Variants in TEX10 observed in about 807,000 individuals in gnomAD.
The protein encoded by TEX10 is testis-expressed protein 10.
A neutral mutation model predicts 104.4 loss-of-function variants in TEX10; 24 were observed. The observed-to-expected ratio is 0.23, with a 90% CI of 0.17 to 0.32. TEX10 has a LOEUF of 0.32. Among genes scored for constraint, TEX10 ranks in the 10% least tolerant of loss-of-function variants. TEX10 has a pLI of 1.00. For missense variants in TEX10, 921 were observed against 1,083.9 expected (o/e 0.85, Z 2.11); for synonymous variants, 396 against 393.4 (o/e 1.01, Z -0.08).
chr9:100,316,783 T>C (rs1834427776), intron 11 of TEX10, among the ~76,000 whole-genome samples: 1 of 150,988 alleles, frequency 6.6e-6, no homozygotes, highest in Admixed American at 6.7e-5. Flanking sequence ...TATGATCTTA[T>C]ATCTAGAAAT....
At chr9:100,309,972 G>A (rs1448264894) in intron 12 of TEX10, among the ~76,000 whole-genome samples, 1 of 152,128 alleles carries the variant, frequency 6.6e-6, no homozygotes, top group Non-Finnish European at 1.5e-5. Context: ...TCTAGATGTT[G>A]AATTCTCAAT....
intron 11 of TEX10, among the ~76,000 whole-genome samples, chr9:100,318,409 A>C (rs921937088): frequency 6.6e-6 from 1 of 152,190 alleles, no homozygotes; most frequent in Non-Finnish European, 1.5e-5. Context: ...AGCTAAAAAT[A>C]ATGTCTACTC....
chr9:100,349,778 G>A (rs917472483), intron 1 of TEX10, among the ~76,000 whole-genome samples: 19 of 152,078 alleles, frequency 1.2e-4, no homozygotes, highest in South Asian at 8.3e-4. Context: ...AACTTCTCTA[G>A]CAATACCAAA....
Position 100,346,234 on chromosome 9 carries a change from AATT to A in TEX10, c.972_974del (p.Ile325del). ...CAACCCAGCATTCAATTAGCAATGG[AATT>A]ATTATCTCAATAAATCCTTTCAGGT... On this transcript the variant is annotated inframe_deletion, in exon 4 of 15. Transcript: ENST00000374902. 6.2e-7 allele frequency: 1 copy of A among 1,614,072 alleles called. No homozygotes were observed. The highest frequency in any genetic ancestry group is 8.5e-7 in the Non-Finnish European group (1 of 1,179,968).
chr9:100,327,635 T>A (rs1834741846), intron 8 of TEX10, 152 bp downstream of exon 8: 1 of 445,824 alleles, frequency 2.2e-6, no homozygotes, highest in South Asian at 1.0e-4. Context: ...AAAATGAATT[T>A]ACTGTATGAT....
chr9:100,335,348 G>A (rs369100199), intron 5 of TEX10, among the ~76,000 whole-genome samples: 5 of 152,030 alleles, frequency 3.3e-5, no homozygotes, highest in Admixed American at 6.6e-5. Flanking sequence ...GACTACAGGC[G>A]CCCGCCACCA....
chr9:100,331,839 T>A (rs1834869674), intron 5 of TEX10, among the ~76,000 whole-genome samples: 1 of 152,196 alleles, frequency 6.6e-6, no homozygotes, highest in Admixed American at 6.5e-5. Context: ...CCAGGGTCAA[T>A]ACTGGTATGA....
chr9:100,304,571 AT>A (rs1270339228), intron 13 of TEX10: 1 of 152,228 alleles, frequency 6.6e-6, no homozygotes, highest in Non-Finnish European at 1.5e-5. Flanking sequence ...TATACAAAAA[AT>A]TAACTCGGCC....
In TEX10 at chr9:100,302,340, C is replaced by T. The variant is rs746977498; in HGVS notation, c.2677-36G>A. ...AAACAAGAGTAATCTGAGAACTGCA[C>T]CCAAATCACTATGCTACCTGACAGT... is the stretch of plus-strand genomic sequence containing the variant. On this transcript the variant is annotated intron_variant, in intron 14 of 14. Coordinates refer to ENST00000374902, the MANE Select transcript of TEX10 (RefSeq NM_017746.4). The T allele has an allele frequency of 9.6e-6, 14 of 1,458,284 alleles. No individual in the cohort carries two copies. The African/African-American group carries it at 1.1e-4, about 12-fold the overall frequency. 90.3% of individuals were successfully genotyped at this position (1,458,284 alleles called of 1,614,324 possible).
At chr9:100,322,214 A>G (rs1416629869) in intron 9 of TEX10, among the ~76,000 whole-genome samples, 1 of 152,252 alleles carries the variant, frequency 6.6e-6, no homozygotes, top group Non-Finnish European at 1.5e-5. Context: ...TTAGGCAAAG[A>G]AAACTTATCT....
chr9:100,316,456 T>C (rs1394707136), intron 11 of TEX10, among the ~76,000 whole-genome samples: 1 of 152,114 alleles, frequency 6.6e-6, no homozygotes, highest in Non-Finnish European at 1.5e-5. Context: ...AGATTTCTTG[T>C]AAGAAATGGA....
chr9:100,327,838 C>T lies in TEX10; in HGVS notation c.1750G>A (p.Ala584Thr). 6.3e-7 allele frequency: 1 copy of T among 1,597,750 alleles called. No homozygotes were observed. Among genetic ancestry groups the T allele is most frequent in the South Asian group, 1.1e-5 (1 of 88,260 alleles). The change falls in exon 8 of 15, where the codon GCA (alanine) becomes ACA (threonine). Residue 584 changes from alanine (A) to threonine (T), a missense_variant. Physicochemically the swap from Ala to Thr is moderately conservative, Grantham distance 58. Transcript: ENST00000374902. Reference protein sequence around the residue: ...IDIIHTAAARANKELLKSLQA... With the variant: ...IDIIHTAAARTNKELLKSLQA... ...AAACTTTTTAGTAATTCTTTATTTG[C>T]TCGTGCTGCAGCGGTATGAATGATA...
chr9:100,328,033 ATT>A, intron 7 of TEX10, 71 bp from the exon 8 acceptor site: 1 of 1,250,196 alleles, frequency 8.0e-7, no homozygotes, highest in Non-Finnish European at 1.0e-6. Context: ...CAAAAAAAAA[ATT>A]TTTTTTTAAC....
At chr9:100,315,613 G>T (rs1248383440) in intron 11 of TEX10, among the ~76,000 whole-genome samples, 1 of 152,106 alleles carries the variant, frequency 6.6e-6, no homozygotes, top group Non-Finnish European at 1.5e-5. Context: ...CTTGTGGTTT[G>T]TTTGTATGAG....
chr9:100,305,530 G>A (rs1193101846), intron 13 of TEX10: 1 of 152,036 alleles, frequency 6.6e-6, no homozygotes, highest in East Asian at 1.9e-4. Flanking sequence ...TAGCCCTTGG[G>A]TTTTACAAGT....
intron 1 of TEX10, among the ~76,000 whole-genome samples, chr9:100,351,887 AC>A (rs1211910007): frequency 6.6e-6 from 1 of 152,206 alleles, no homozygotes; most frequent in Non-Finnish European, 1.5e-5. Context: ...CCACTAAGCC[AC>A]TTTTACAGTA....
Position 100,329,012 on chromosome 9 carries a change from A to G in TEX10, c.1625+128T>C, listed in dbSNP as rs1834781859. 1.3e-5 allele frequency: 14 copies of G among 1,057,234 alleles called. No individual in the cohort carries two copies. In the South Asian group the frequency reaches 2.5e-4, roughly 19 times the overall value. 65.5% of individuals were successfully genotyped at this position (1,057,234 alleles called of 1,614,324 possible). On this transcript the variant is annotated intron_variant, in intron 7 of 14. Transcript: ENST00000374902. The stretch of plus-strand genomic sequence containing the variant: ...TTTAAAATTTTATACCATTTCTTAA[A>G]TGCAAACAAGTAGGATTAAAAAGAA...
At chr9:100,306,083 C>G (rs1327108323) in intron 13 of TEX10, 4 of 151,882 alleles carry the variant, frequency 2.6e-5, no homozygotes, top group African/African-American at 9.7e-5. Flanking sequence ...AAATAAAAAT[C>G]CAAAATAGAA....
Position 100,343,598 on chromosome 9 carries a change from TA to T in TEX10, c.1137+2473del, listed in dbSNP as rs760704164. ...CAAAGCTTCAAATTACTAAAAAGTT[TA>T]AAAAAAAAAAAAAACTACCTGAATA... On this transcript the variant is annotated intron_variant, in intron 4 of 14. Transcript: ENST00000374902. 2.9e-3 allele frequency among the ~76,000 whole-genome samples: 398 copies of T among 138,308 alleles called. 1 individual carries two copies. Among genetic ancestry groups the T allele is most frequent in the African/African-American group, 6.0e-3 (226 of 37,708 alleles). The allele number at this position is 138,308 out of a possible 152,430, so 90.7% of individuals were successfully genotyped here.
Sources: allele counts gnomAD v4.1 joint callset (sites outside exome capture counted in the v4.1 genomes callset), GRCh38; gene constraint gnomAD v4.1.1; transcripts MANE v1.5; gene names NCBI Gene and HGNC (gene_info 2026-07-23, HGNC 2026-07-21).